CNTNAP2: variants seen among roughly 807,000 people sequenced by gnomAD.
CNTNAP2 encodes contactin-associated protein-like 2.
A neutral mutation model predicts 155.2 loss-of-function variants in CNTNAP2; 98 were observed. That is an observed-to-expected ratio of 0.63 (90% CI 0.54 to 0.75). The LOEUF (loss-of-function observed/expected upper bound fraction) is 0.75, where lower values mean the gene tolerates loss of function less well. Among genes scored for constraint, CNTNAP2 ranks in the 30% least tolerant of loss-of-function variants. The pLI is 0.00. For synonymous variants in CNTNAP2, 651 were observed against 631.2 expected (o/e 1.03, Z -0.47); for missense variants, 1,727 against 1,688.1 (o/e 1.02, Z -0.40).
At chr7:146,528,847 G>A (rs536519192) in intron 1 of CNTNAP2, among the ~76,000 whole-genome samples, 14 of 152,204 alleles carry the variant, frequency 9.2e-5, no homozygotes, top group African/African-American at 3.4e-4. Flanking sequence ...GATGAGCTCA[G>A]TTACACCGAA....
chr7:147,515,664 A>G (rs189320381), intron 11 of CNTNAP2, among the ~76,000 whole-genome samples: 2 of 152,090 alleles, frequency 1.3e-5, no homozygotes, highest in African/African-American at 2.4e-5. Flanking sequence ...TTTGTGTGCT[A>G]TATCACCTGT....
At chr7:146,862,820 T>C (rs1301854127) in intron 3 of CNTNAP2, among the ~76,000 whole-genome samples, 2 of 152,228 alleles carry the variant, frequency 1.3e-5, no homozygotes, top group Non-Finnish European at 2.9e-5. Context: ...TGTATGGTTC[T>C]TTATGGTACA....
At chr7:147,786,401 T>C (rs1209160330) in intron 13 of CNTNAP2, among the ~76,000 whole-genome samples, 1 of 152,160 alleles carries the variant, frequency 6.6e-6, no homozygotes, top group Non-Finnish European at 1.5e-5. Flanking sequence ...GACAGCAAGA[T>C]GGAGACTGAG....
At chr7:146,515,329 T>A (rs1051363645) in intron 1 of CNTNAP2, among the ~76,000 whole-genome samples, 1 of 152,062 alleles carries the variant, frequency 6.6e-6, no homozygotes, top group Non-Finnish European at 1.5e-5. Flanking sequence ...ATCTCATTTT[T>A]CCAGTGAGAC....
intron 4 of CNTNAP2, among the ~76,000 whole-genome samples, chr7:147,078,282 G>T (rs890900264): frequency 6.6e-6 from 1 of 152,168 alleles, no homozygotes; most frequent in Non-Finnish European, 1.5e-5. Context: ...AGTTAAGTAC[G>T]TTGCTGTATC....
Position 147,983,079 on chromosome 7 carries a change from G to A in CNTNAP2, c.2383+5090G>A, listed in dbSNP as rs533316074. Among the ~76,000 whole-genome samples, 4 of 148,616 alleles carry A rather than the reference G, an allele frequency of 2.7e-5. No homozygotes were observed. The South Asian group carries it at 6.4e-4, about 24-fold the overall frequency. On this transcript the variant is annotated intron_variant, in intron 15 of 23. Transcript: ENST00000361727. Reference sequence around the variant, plus strand: ...AATAAGGCAATGCCTCGGTCTCCACGTTGTTTCTGTACCAATGAAACATTT... The same window carrying A: ...AATAAGGCAATGCCTCGGTCTCCACATTGTTTCTGTACCAATGAAACATTT...
chr7:148,191,116 T>C (rs939719582), intron 18 of CNTNAP2, among the ~76,000 whole-genome samples: 3 of 152,200 alleles, frequency 2.0e-5, no homozygotes, highest in Non-Finnish European at 2.9e-5. Context: ...TAATCTTCAA[T>C]GCAGAAGTGT....
chr7:146,513,640 A>G (rs1416301169), intron 1 of CNTNAP2, among the ~76,000 whole-genome samples: 1 of 151,964 alleles, frequency 6.6e-6, no homozygotes, highest in Non-Finnish European at 1.5e-5. Flanking sequence ...ATCTTTTTAT[A>G]TCTCTTAACA....
At chr7:147,039,425 C>T (rs1799218433) in intron 3 of CNTNAP2, among the ~76,000 whole-genome samples, 1 of 152,156 alleles carries the variant, frequency 6.6e-6, no homozygotes, top group South Asian at 2.1e-4. Context: ...TTTATTAGTT[C>T]TCATCATTTA....
intron 1 of CNTNAP2, among the ~76,000 whole-genome samples, chr7:146,138,244 TG>T (rs1267187846): frequency 6.6e-6 from 1 of 152,156 alleles, no homozygotes; most frequent in Non-Finnish European, 1.5e-5. Flanking sequence ...GAAAATGTAA[TG>T]TACTTTGTGC....
intron 8 of CNTNAP2, among the ~76,000 whole-genome samples, chr7:147,211,956 C>A (rs1224440574): frequency 6.6e-6 from 1 of 151,906 alleles, no homozygotes; most frequent in African/African-American, 2.4e-5. Flanking sequence ...AGATGCTGAT[C>A]AAAATAAGAT....
At chr7:147,089,861 C>T (rs893018006) in intron 4 of CNTNAP2, among the ~76,000 whole-genome samples, 1 of 152,188 alleles carries the variant, frequency 6.6e-6, no homozygotes, top group Non-Finnish European at 1.5e-5. Context: ...CGTCCTCACT[C>T]TGCACCAAAG....
chr7:147,364,852 A>G (rs1427834122), intron 9 of CNTNAP2, among the ~76,000 whole-genome samples: 8 of 137,074 alleles, frequency 5.8e-5, no homozygotes, highest in African/African-American at 8.3e-5. Flanking sequence ...CAGTCTCGGG[A>G]AAAAAAAAAA....
chr7:148,221,234 T>A (rs1238830526), intron 19 of CNTNAP2, among the ~76,000 whole-genome samples: 3 of 152,204 alleles, frequency 2.0e-5, no homozygotes, highest in Non-Finnish European at 4.4e-5. Context: ...AAAGCCATCC[T>A]GAATGGTGCC....
rs561482433 is a variant in CNTNAP2 at position 146,671,302 on chromosome 7, G to A, written c.98-102969G>A. Among the ~76,000 whole-genome samples the A allele has an allele frequency of 1.2e-4, 19 of 152,216 alleles. No individual in the cohort carries two copies. In the South Asian group the frequency reaches 3.9e-3, roughly 32 times the overall value. On this transcript the variant is annotated intron_variant, in intron 1 of 23. Coordinates refer to ENST00000361727, the MANE Select transcript of CNTNAP2 (RefSeq NM_014141.6). ...ATATACCTAGACTTTGGAAAGGAAT[G>A]AAAATAAGAGGCAAGCTACTTTTAG...
intron 3 of CNTNAP2, among the ~76,000 whole-genome samples, chr7:146,987,633 G>A (rs1161250398): frequency 6.6e-6 from 1 of 152,092 alleles, no homozygotes; most frequent in African/African-American, 2.4e-5. Flanking sequence ...AGACAGCTGT[G>A]TAGTATAGTT....
At chr7:147,058,307 T>A (rs1430391620) in intron 4 of CNTNAP2, among the ~76,000 whole-genome samples, 1 of 152,214 alleles carries the variant, frequency 6.6e-6, no homozygotes, top group African/African-American at 2.4e-5. Context: ...AAAGTAGACA[T>A]TCAAAACAAT....
At chr7:146,415,467 C>G (rs541821326) in intron 1 of CNTNAP2, among the ~76,000 whole-genome samples, 1 of 152,062 alleles carries the variant, frequency 6.6e-6, no homozygotes, top group Non-Finnish European at 1.5e-5. Flanking sequence ...AAAAATAGTA[C>G]AGCTAGTAAA....
intron 10 of CNTNAP2, among the ~76,000 whole-genome samples, chr7:147,401,803 G>T: frequency 6.6e-6 from 1 of 152,146 alleles, no homozygotes; most frequent in East Asian, 1.9e-4. Context: ...GATGTGCCTT[G>T]CTTCCCCTTT....
Sources: gnomAD v4.1 joint callset for allele counts (sites outside exome capture counted in the v4.1 genomes callset) on GRCh38, gnomAD v4.1.1 for gene constraint, MANE v1.5 for transcripts, NCBI Gene and HGNC (gene_info 2026-07-23, HGNC 2026-07-21) for gene names.